PRKD1: variants seen among roughly 807,000 people sequenced by gnomAD.
PRKD1 encodes the protein serine/threonine-protein kinase D1.
PRKD1 carries 63 observed loss-of-function variants against 95.9 expected under a neutral mutation model. The observed-to-expected ratio is 0.66, with a 90% CI of 0.54 to 0.81. PRKD1 has a LOEUF of 0.81. Ranked by LOEUF, PRKD1 falls within the 30% of genes least tolerant of loss-of-function variation. The pLI is 0.00. For missense variants in PRKD1, 1,048 were observed against 1,165.3 expected, an observed-to-expected ratio of 0.90 and a Z score of 1.47; for synonymous variants, 425 against 423.1, an observed-to-expected ratio of 1.00 and a Z score of -0.05.
At chr14:29,629,307 T>C (rs1310305010) in intron 10 of PRKD1, among the ~76,000 whole-genome samples, 1 of 152,194 alleles carries the variant, frequency 6.6e-6, no homozygotes, top group African/African-American at 2.4e-5. Flanking sequence ...ATTTCATCAA[T>C]TTAGGGTTTG....
chr14:29,771,730 T>C (rs1888517227), intron 1 of PRKD1, among the ~76,000 whole-genome samples: 1 of 152,122 alleles, frequency 6.6e-6, no homozygotes, highest in Admixed American at 6.5e-5. Context: ...CTCCAACCCA[T>C]AAGGGCTGTG....
intron 4 of PRKD1, among the ~76,000 whole-genome samples, chr14:29,653,452 T>A (rs527778572): frequency 6.6e-6 from 1 of 152,136 alleles, no homozygotes; most frequent in Non-Finnish European, 1.5e-5. Flanking sequence ...GTAAAGTTAT[T>A]TAATTTTTTA....
At chr14:29,761,692 A>G (rs570249250) in intron 1 of PRKD1, among the ~76,000 whole-genome samples, 1 of 152,268 alleles carries the variant, frequency 6.6e-6, no homozygotes, top group Non-Finnish European at 1.5e-5. Context: ...AATTTTTAGA[A>G]AAGCATCCTC....
intron 2 of PRKD1, among the ~76,000 whole-genome samples, chr14:29,669,008 T>C (rs1882687141): frequency 6.6e-6 from 1 of 151,336 alleles, no homozygotes; most frequent in African/African-American, 2.4e-5. Flanking sequence ...CTTGTATTTT[T>C]TTGACTATTT....
intron 1 of PRKD1, among the ~76,000 whole-genome samples, chr14:29,845,895 T>C (rs1427879371): frequency 6.6e-6 from 1 of 152,190 alleles, no homozygotes; most frequent in Non-Finnish European, 1.5e-5. Context: ...GTATGTTGCT[T>C]AAAATTTACA....
intron 1 of PRKD1, among the ~76,000 whole-genome samples, chr14:29,862,174 C>T (rs919504396): frequency 1.3e-5 from 2 of 152,104 alleles, no homozygotes; most frequent in African/African-American, 4.8e-5. Flanking sequence ...ACATAATGAC[C>T]ACCAGTTCCA....
chr14:29,626,561 A>T lies in PRKD1; in HGVS notation c.1726-5T>A, dbSNP rs1174711016. The T allele has an allele frequency of 6.3e-7, 1 of 1,598,466 alleles. No homozygotes were observed. Among genetic ancestry groups the T allele is most frequent in the Admixed American group, 1.7e-5 (1 of 58,840 alleles). The stretch of plus-strand genomic sequence containing the variant: ...CTGATATACTGTGCTGATGTCCTAG[A>T]GGTACAAGCCCAATGAAAAAAAAAC... On this transcript the variant is annotated splice_region_variant and splice_polypyrimidine_tract_variant and intron_variant, in intron 11 of 17. Transcript: ENST00000331968.
At chr14:29,678,604 A>G (rs920128715) in intron 2 of PRKD1, among the ~76,000 whole-genome samples, 9 of 152,188 alleles carry the variant, frequency 5.9e-5, no homozygotes, top group African/African-American at 2.2e-4. Context: ...TTCCAATTTC[A>G]AAGTGTTTCA....
intron 1 of PRKD1, among the ~76,000 whole-genome samples, chr14:29,785,782 C>A (rs1189831145): frequency 1.3e-5 from 2 of 151,104 alleles, no homozygotes; most frequent in Non-Finnish European, 2.9e-5. Context: ...TGTAACTAAC[C>A]TTCACATTGT....
intron 1 of PRKD1, among the ~76,000 whole-genome samples, chr14:29,842,201 T>C (rs8003440): frequency 0.015 from 2,296 of 152,344 alleles, 56 homozygotes; most frequent in African/African-American, 0.047. Context: ...AACTTGTTTT[T>C]ACATCAGTGG....
intron 16 of PRKD1, among the ~76,000 whole-genome samples, chr14:29,588,128 C>T (rs1044289466): frequency 6.6e-6 from 1 of 152,158 alleles, no homozygotes; most frequent in African/African-American, 2.4e-5. Context: ...ATTAAAATGA[C>T]AATTGTCTTT....
chr14:29,650,502 C>T (rs939866693), intron 4 of PRKD1: 4 of 152,332 alleles, frequency 2.6e-5, no homozygotes, highest in African/African-American at 9.7e-5. Flanking sequence ...AGAAATCTGC[C>T]ATCTCCAGTC....
intron 1 of PRKD1, among the ~76,000 whole-genome samples, chr14:29,742,948 T>C (rs1377485832): frequency 6.6e-6 from 1 of 152,178 alleles, no homozygotes; most frequent in Non-Finnish European, 1.5e-5. Context: ...GTCTGAGATA[T>C]GCCTAAAATT....
intron 1 of PRKD1, among the ~76,000 whole-genome samples, chr14:29,908,721 T>C (rs571151202): frequency 6.6e-6 from 1 of 152,360 alleles, no homozygotes; most frequent in South Asian, 2.1e-4. Context: ...TATATACCAA[T>C]TCTAGTTAGA....
intron 2 of PRKD1, among the ~76,000 whole-genome samples, chr14:29,682,018 A>G (rs981892581): frequency 1.3e-5 from 2 of 152,226 alleles, no homozygotes; most frequent in East Asian, 1.9e-4. Flanking sequence ...GCAAAAATGT[A>G]CACTGCATCC....
chr14:29,917,895 C>T (rs1894946559), intron 1 of PRKD1, among the ~76,000 whole-genome samples: 1 of 152,024 alleles, frequency 6.6e-6, no homozygotes, highest in Non-Finnish European at 1.5e-5. Context: ...TATAGCAAAT[C>T]TACATACCTG....
chr14:29,856,766 A>G (rs1892521743), intron 1 of PRKD1, among the ~76,000 whole-genome samples: 1 of 152,332 alleles, frequency 6.6e-6, no homozygotes, highest in South Asian at 2.1e-4. Context: ...TCCCGGGCAC[A>G]TCTCTGAGGC....
At chr14:29,753,316 C>A (rs1887560370) in intron 1 of PRKD1, among the ~76,000 whole-genome samples, 1 of 152,022 alleles carries the variant, frequency 6.6e-6, no homozygotes, top group African/African-American at 2.4e-5. Context: ...AAACCTTTAC[C>A]TTAAACTTAA....
chr14:29,672,886 G>GAA (rs907581299), intron 2 of PRKD1, among the ~76,000 whole-genome samples: 2 of 143,496 alleles, frequency 1.4e-5, no homozygotes, highest in African/African-American at 5.1e-5. Flanking sequence ...CTCCTTCTCA[G>GAA]AAAAAAAAAA....
Sources: allele counts gnomAD v4.1 joint callset (sites outside exome capture counted in the v4.1 genomes callset), GRCh38; gene constraint gnomAD v4.1.1; transcripts MANE v1.5; gene names NCBI Gene and HGNC (gene_info 2026-07-23, HGNC 2026-07-21).